Variants in TRIM33 observed in about 807,000 individuals in gnomAD.
TRIM33 encodes the protein E3 ubiquitin-protein ligase TRIM33.
In TRIM33, 20 loss-of-function variants were observed where a neutral mutation model predicts 125.4. The ratio of observed to expected loss-of-function variants is 0.16; its 90% confidence interval spans 0.11 to 0.23. The LOEUF (loss-of-function observed/expected upper bound fraction) is 0.23, where lower values mean the gene tolerates loss of function less well. TRIM33 is among the 10% of genes least tolerant of loss of function. The probability of loss-of-function intolerance (pLI) is 1.00; values close to 1 mark genes in which losing one functional copy is unlikely to be tolerated. For missense variants in TRIM33, 920 were observed against 1,411.4 expected (o/e 0.65, Z 5.58); for synonymous variants, 564 against 513.9 (o/e 1.10, Z -1.32).
At chr1:114,486,429 C>T (rs1389826686) in intron 1 of TRIM33, among the ~76,000 whole-genome samples, 2 of 151,408 alleles carry the variant, frequency 1.3e-5, no homozygotes, top group Non-Finnish European at 2.9e-5. Context: ...CAAGACCAGC[C>T]TGACCAACAT....
At chr1:114,473,942 CTG>C (rs997601682) in intron 1 of TRIM33, among the ~76,000 whole-genome samples, 2 of 152,154 alleles carry the variant, frequency 1.3e-5, no homozygotes, top group African/African-American at 4.8e-5. Context: ...GATATAGTCT[CTG>C]TAGCCCAGAC....
intron 1 of TRIM33, among the ~76,000 whole-genome samples, chr1:114,485,154 C>T (rs1181443372): frequency 6.6e-6 from 1 of 152,082 alleles, no homozygotes; most frequent in Non-Finnish European, 1.5e-5. Flanking sequence ...GAATTAAAAG[C>T]ATGAATTTAG....
intron 10 of TRIM33, among the ~76,000 whole-genome samples, chr1:114,423,867 C>G (rs574827025): frequency 6.6e-6 from 1 of 152,196 alleles, no homozygotes; most frequent in East Asian, 1.9e-4. Context: ...AATTCTGATT[C>G]AGTGGTTATG....
Position 114,455,218 on chromosome 1 carries a change from GT to G in TRIM33, c.923+7885del, listed in dbSNP as rs1227349128. Among the ~76,000 whole-genome samples the G allele has an allele frequency of 4.6e-5, 7 of 152,224 alleles. No individual in the cohort carries two copies. In the East Asian group the frequency reaches 1.2e-3, roughly 25 times the overall value. On this transcript the variant is annotated intron_variant, in intron 4 of 19. Transcript: ENST00000358465. ...AGATATAAAAGCCACTGTAAAGTGT[GT>G]TTACCTTGAAAAGGGCAACTATCCT...
chr1:114,404,112 C>T (rs573088554), intron 15 of TRIM33, among the ~76,000 whole-genome samples: 1 of 152,202 alleles, frequency 6.6e-6, no homozygotes, highest in South Asian at 2.1e-4. Flanking sequence ...GATCCTAAAT[C>T]TAGGGATTGT....
intron 11 of TRIM33, among the ~76,000 whole-genome samples, chr1:114,413,809 G>C (rs1231845209): frequency 6.6e-6 from 1 of 151,816 alleles, no homozygotes. Context: ...CTTGAGACTA[G>C]GAGTTCAAAA....
Position 114,511,087 on chromosome 1 carries a change from T to A in TRIM33, c.-11A>T. The A allele has an allele frequency of 8.2e-7, 1 of 1,222,240 alleles. No homozygotes were observed. Among genetic ancestry groups the A allele is most frequent in the South Asian group, 2.7e-5 (1 of 37,012 alleles). The allele number at this position is 1,222,240 out of a possible 1,614,324, so 75.7% of individuals were successfully genotyped here. On this transcript the variant is annotated 5_prime_UTR_variant, in exon 1 of 20. Coordinates refer to ENST00000358465, the MANE Select transcript of TRIM33 (RefSeq NM_015906.4). ...TTTGTTTTCCGCCATGTTTTCCTCTTTGAACCCGCCGGACCGCCCCGCGCC... is the reference window on the plus strand; with the variant it reads ...TTTGTTTTCCGCCATGTTTTCCTCTATGAACCCGCCGGACCGCCCCGCGCC...
At chr1:114,408,402 G>A (rs1652382387) in intron 13 of TRIM33, among the ~76,000 whole-genome samples, 1 of 152,048 alleles carries the variant, frequency 6.6e-6, no homozygotes. Flanking sequence ...TTTTAGGTGT[G>A]ATCATGGTTC....
At chr1:114,444,591 T>C (rs75291118) in intron 4 of TRIM33, among the ~76,000 whole-genome samples, 4,011 of 152,304 alleles carry the variant, frequency 0.026, 90 homozygotes, top group Non-Finnish European at 0.034. Context: ...AGAAATTGGG[T>C]ACCACCAACT....
At chr1:114,435,020 T>C (rs1412400492) in intron 4 of TRIM33, among the ~76,000 whole-genome samples, 1 of 151,868 alleles carries the variant, frequency 6.6e-6, no homozygotes, top group Non-Finnish European at 1.5e-5. Flanking sequence ...TATGAGACAA[T>C]AACTGATAAA....
intron 10 of TRIM33, among the ~76,000 whole-genome samples, chr1:114,424,176 A>G (rs1289661926): frequency 2.6e-5 from 4 of 152,168 alleles, no homozygotes; most frequent in Non-Finnish European, 1.5e-5. Flanking sequence ...TAATACATAT[A>G]GTTAGCTCTG....
At chr1:114,422,173 T>C (rs1273434403) in intron 10 of TRIM33, among the ~76,000 whole-genome samples, 2 of 152,220 alleles carry the variant, frequency 1.3e-5, no homozygotes, top group African/African-American at 4.8e-5. Context: ...TGAGGGCTGT[T>C]ATGAGGATCA....
In TRIM33 at chr1:114,511,116, C is replaced by T. The variant is rs1418885898; in HGVS notation, c.-40G>A. 1.8e-6 allele frequency: 2 copies of T among 1,131,890 alleles called. No individual in the cohort carries two copies. The highest frequency in any genetic ancestry group is 1.7e-5 in the African/African-American group (1 of 60,524). The allele number at this position is 1,131,890 out of a possible 1,614,324, so 70.1% of individuals were successfully genotyped here. On this transcript the variant is annotated 5_prime_UTR_variant, in exon 1 of 20. Coordinates refer to ENST00000358465, the MANE Select transcript of TRIM33 (RefSeq NM_015906.4). ...ACCCGCCGGACCGCCCCGCGCCGCC[C>T]GCCGCCCGCGTCGCCGCCGCCGCCG...
rs2101065538 is a variant in TRIM33, at chr1:114,394,667, T to C, written c.*2981A>G. 4.9e-6 allele frequency: 1 copy of C among 202,388 alleles called. No homozygotes were observed. The highest frequency in any genetic ancestry group is 1.0e-5 in the Non-Finnish European group (1 of 98,280). 12.5% of individuals were successfully genotyped at this position (202,388 alleles called of 1,614,324 possible). A position where few individuals can be genotyped will look rare whatever the true frequency, so the allele number is the denominator to read the frequency against. ...ATAATAATTTCAATAGTGGATCCAA[T>C]GCCTTATCATTTCTCTGTAGTAATG... On this transcript the variant is annotated 3_prime_UTR_variant, in exon 20 of 20. Coordinates refer to ENST00000358465, the MANE Select transcript of TRIM33 (RefSeq NM_015906.4).
intron 1 of TRIM33, among the ~76,000 whole-genome samples, chr1:114,480,714 A>G (rs1221121431): frequency 6.6e-6 from 1 of 152,156 alleles, no homozygotes; most frequent in African/African-American, 2.4e-5. Context: ...CACTGAGTAA[A>G]CACTCCAATG....
intron 1 of TRIM33, among the ~76,000 whole-genome samples, chr1:114,465,544 A>G (rs1287037038): frequency 1.3e-5 from 2 of 152,190 alleles, no homozygotes; most frequent in Non-Finnish European, 2.9e-5. Flanking sequence ...GAGGTGGCTC[A>G]TGCCTGTAAT....
chr1:114,506,473 C>T (rs1192542391), intron 1 of TRIM33, among the ~76,000 whole-genome samples: 2 of 151,624 alleles, frequency 1.3e-5, no homozygotes, highest in African/African-American at 4.8e-5. Context: ...TCAGAGGTAG[C>T]CTCATCTCCT....
At chr1:114,415,395 AC>A (rs907457140) in intron 11 of TRIM33, among the ~76,000 whole-genome samples, 4 of 152,148 alleles carry the variant, frequency 2.6e-5, no homozygotes, top group African/African-American at 9.7e-5. Flanking sequence ...AGTATACCTA[AC>A]TGCTTTGAAT....
At chr1:114,451,147 C>A (rs1490472108) in intron 4 of TRIM33, among the ~76,000 whole-genome samples, 1 of 152,092 alleles carries the variant, frequency 6.6e-6, no homozygotes, top group Non-Finnish European at 1.5e-5. Flanking sequence ...GGTACTTCCT[C>A]CCCATGTGGA....
Sources: gnomAD v4.1 joint callset for allele counts (sites outside exome capture counted in the v4.1 genomes callset) on GRCh38, gnomAD v4.1.1 for gene constraint, MANE v1.5 for transcripts, NCBI Gene and HGNC (gene_info 2026-07-23, HGNC 2026-07-21) for gene names.